The following DROSHA variants were observed in gnomAD, a reference collection of about 807,000 sequenced individuals.
DROSHA encodes drosha ribonuclease III, also known as ribonuclease 3.
Under a neutral mutation model 181.9 loss-of-function variants are expected in DROSHA, and 56 were observed. That is an observed-to-expected ratio of 0.31 (90% CI 0.25 to 0.38). The LOEUF (loss-of-function observed/expected upper bound fraction) is 0.38. Ranked by LOEUF, DROSHA falls within the 10% of genes least tolerant of loss-of-function variation. The probability of loss-of-function intolerance (pLI) is 1.00; values close to 1 mark genes in which losing one functional copy is unlikely to be tolerated. For synonymous variants in DROSHA, 524 were observed against 591.2 expected (o/e 0.89, Z 1.65); for missense variants, 1,218 against 1,743.5 (o/e 0.70, Z 5.37).
intron 8 of DROSHA, among the ~76,000 whole-genome samples, chr5:31,511,436 G>T (rs62348738): frequency 0.42 from 63,243 of 152,004 alleles, 13,959 homozygotes; most frequent in South Asian, 0.5. Flanking sequence ...CAGGCGTGCT[G>T]GCTCACGCCT....
At chr5:31,432,731 C>A (rs1744327016) in intron 25 of DROSHA, among the ~76,000 whole-genome samples, 1 of 152,114 alleles carries the variant, frequency 6.6e-6, no homozygotes, top group South Asian at 2.1e-4. Flanking sequence ...AGGTGTAGGG[C>A]TGATGAATAC....
At chr5:31,461,892 G>T (rs1250828631) in intron 20 of DROSHA, among the ~76,000 whole-genome samples, 1 of 151,778 alleles carries the variant, frequency 6.6e-6, no homozygotes, top group Non-Finnish European at 1.5e-5. Context: ...ACAACCCCAA[G>T]AATATTCACT....
chr5:31,473,820 G>A (rs1294486523), intron 16 of DROSHA, among the ~76,000 whole-genome samples: 1 of 152,222 alleles, frequency 6.6e-6, no homozygotes, highest in African/African-American at 2.4e-5. Context: ...GTTGTGCCTA[G>A]GAACTGCAAA....
At chr5:31,527,004 G>A (rs1238119506) in intron 4 of DROSHA, 92 bp from the exon 5 acceptor site, 1 of 1,219,070 alleles carries the variant, frequency 8.2e-7, no homozygotes. Flanking sequence ...CCATCTTGAT[G>A]AGCAACTCAA....
At chr5:31,497,046 G>A (rs753443666) in intron 11 of DROSHA, among the ~76,000 whole-genome samples, 11 of 152,164 alleles carry the variant, frequency 7.2e-5, no homozygotes, top group East Asian at 5.8e-4. Flanking sequence ...TGGTAACCCC[G>A]TGCACTCGGG....
intron 27 of DROSHA, among the ~76,000 whole-genome samples, chr5:31,427,538 C>T (rs189430587): frequency 5.7e-4 from 87 of 152,314 alleles, no homozygotes; most frequent in African/African-American, 1.9e-3. Context: ...CATTATGACC[C>T]TCTGACTAAG....
chr5:31,521,277 T>A, intron 5 of DROSHA, 62 bp from the exon 6 acceptor site: 1 of 1,549,792 alleles, frequency 6.5e-7, no homozygotes, highest in Non-Finnish European at 8.9e-7. Flanking sequence ...CCATCTCTTT[T>A]CACTGAATTC....
rs201077420 is a variant in DROSHA at position 31,470,946 on chromosome 5, TCA to T, written c.2241+1115_2241+1116del. 0.011 allele frequency among the ~76,000 whole-genome samples: 1,608 copies of T among 152,338 alleles called. 18 individuals are homozygous for T. Among genetic ancestry groups the T allele is most frequent in the Non-Finnish European group, 0.019 (1,287 of 68,032 alleles). On this transcript the variant is annotated intron_variant, in intron 17 of 35. Coordinates refer to ENST00000344624, the MANE Select transcript of DROSHA (RefSeq NM_001382508.1). The surrounding 1 kb of genome is among the most constrained non-coding windows in gnomAD (Gnocchi z 4.0). ...ACTGTTTTAAGAATAAAAATAGAATTCACAGTCTTACTCTGAGAGTGTTATTA... is the reference window on the plus strand; with the variant it reads ...ACTGTTTTAAGAATAAAAATAGAATTCAGTCTTACTCTGAGAGTGTTATTA...
chr5:31,496,696 T>C (rs1358717378), intron 11 of DROSHA, among the ~76,000 whole-genome samples: 1 of 152,208 alleles, frequency 6.6e-6, no homozygotes, highest in African/African-American at 2.4e-5. Context: ...CACAGCCCCA[T>C]CAAGTTGTGC....
At chr5:31,420,464 C>T (rs1410167512) in intron 30 of DROSHA, among the ~76,000 whole-genome samples, 1 of 152,078 alleles carries the variant, frequency 6.6e-6, no homozygotes, top group Non-Finnish European at 1.5e-5. Context: ...AAACAGTACG[C>T]AACAAATAAA....
chr5:31,469,585 G>A (rs370278945), intron 17 of DROSHA, among the ~76,000 whole-genome samples: 20 of 152,320 alleles, frequency 1.3e-4, no homozygotes, highest in South Asian at 4.1e-4. Context: ...CAACAAAACA[G>A]CAGGATACAT....
rs56339006 is a variant in DROSHA, at chr5:31,514,354, G to C, written c.1290+634C>G. On this transcript the variant is annotated intron_variant, in intron 8 of 35. Transcript: ENST00000344624. This position sits in a 1 kb window ranked among gnomAD's most constrained non-coding sequence, Gnocchi z 4.4. ...GACTACCAGTATCATTAAAAATGTA[G>C]AATAGGCTGGGCACAGTGGCTCACA... is the stretch of plus-strand genomic sequence containing the variant. Among the ~76,000 whole-genome samples, 3 of 151,938 alleles carry C rather than the reference G, an allele frequency of 2.0e-5. No homozygotes were observed. Among genetic ancestry groups the C allele is most frequent in the East Asian group, 1.9e-4 (1 of 5,172 alleles).
chr5:31,517,719 A>G (rs977616623), intron 6 of DROSHA, among the ~76,000 whole-genome samples: 6 of 152,102 alleles, frequency 3.9e-5, no homozygotes, highest in African/African-American at 1.4e-4. Flanking sequence ...TTTCTTCATT[A>G]TCCTAACTTC....
intron 16 of DROSHA, among the ~76,000 whole-genome samples, chr5:31,478,572 A>G (rs949949651): frequency 3.3e-5 from 5 of 152,268 alleles, no homozygotes; most frequent in African/African-American, 1.2e-4. Context: ...TGTCTCTACT[A>G]AAAATACAAA....
In DROSHA at chr5:31,508,680, G is replaced by C. The variant is rs370207689; in HGVS notation, c.1528C>G (p.Arg510Gly). Residue 510 changes from arginine (R) to glycine (G), a missense_variant, in exon 10 of 36, where the codon CGC becomes GGC. Transcript: ENST00000344624. ...EVFDVIAEIK[R>G]KKAHPDRLHD... is the part of the protein sequence containing the mutation. ...AGTCGGTCAGGGTGGGCCTTTTTGC[G>C]TTTGATTTCTGCAATAACGTCAAAA... 1.2e-6 allele frequency: 2 copies of C among 1,613,868 alleles called. No homozygotes were observed. Among genetic ancestry groups the C allele is most frequent in the Admixed American group, 1.7e-5 (1 of 60,022 alleles).
At position 31,529,136 on chromosome 5, in the gene DROSHA, A is replaced by C; in HGVS notation, c.-46-31T>G. On this transcript the variant is annotated intron_variant, in intron 3 of 35. Transcript: ENST00000344624. ...AAACAGAAAGAATAAAACAGACATA[A>C]ACATGTTTCCCAAACTGCCAATGCT... is the stretch of plus-strand genomic sequence containing the variant. 5 of 1,564,186 alleles carry C rather than the reference A, an allele frequency of 3.2e-6. No homozygotes were observed. In the South Asian group the frequency reaches 5.9e-5, roughly 18 times the overall value.
intron 26 of DROSHA, among the ~76,000 whole-genome samples, 186 bp downstream of exon 26, chr5:31,431,379 AAAAAAAAAAAG>A (rs1237816207): frequency 1.3e-5 from 2 of 150,606 alleles, no homozygotes; most frequent in East Asian, 1.9e-4. Flanking sequence ...AAAAAAAAAA[AAAAAAAAAAAG>A]AGGCATGTTC....
At chr5:31,425,495 T>C (rs751688811) in intron 27 of DROSHA, among the ~76,000 whole-genome samples, 2 of 152,166 alleles carry the variant, frequency 1.3e-5, no homozygotes, top group Non-Finnish European at 2.9e-5. Flanking sequence ...CAATGCTTTT[T>C]TTCTTCCTCC....
At chr5:31,418,243 CAGAG>C (rs35207002) in intron 30 of DROSHA, among the ~76,000 whole-genome samples, 20 of 148,608 alleles carry the variant, frequency 1.3e-4, no homozygotes, top group Non-Finnish European at 2.2e-4. Context: ...GTGTGTGTCA[CAGAG>C]AGAGAGAGAG....
Sources: allele counts gnomAD v4.1 joint callset (sites outside exome capture counted in the v4.1 genomes callset), GRCh38; gene constraint gnomAD v4.1.1; non-coding constraint Gnocchi (gnomAD v3.1); transcripts MANE v1.5; gene names NCBI Gene and HGNC (gene_info 2026-07-23, HGNC 2026-07-21).